PELI2: variants seen among roughly 807,000 people sequenced by gnomAD.
PELI2 encodes the protein E3 ubiquitin-protein ligase pellino homolog 2.
Under a neutral mutation model 42.3 loss-of-function variants are expected in PELI2, and 23 were observed. That is an observed-to-expected ratio of 0.54 (90% CI 0.39 to 0.77). PELI2 has a LOEUF of 0.77. PELI2 is among the 30% of genes least tolerant of loss of function. The pLI, the probability that PELI2 is intolerant of heterozygous loss-of-function variation, is 0.00. For synonymous variants in PELI2, 245 were observed against 212.2 expected (o/e 1.15, Z -1.34); for missense variants, 463 against 553.2 (o/e 0.84, Z 1.64).
At position 56,233,256 on chromosome 14, in the gene PELI2, T is replaced by C. The variant is rs1594666716; in HGVS notation, c.208-46420T>C. On this transcript the variant is annotated intron_variant, in intron 2 of 5. Transcript: ENST00000267460. ...TTCACAGAATTGGAAAAAACTACTTTAAAGTTCACATGGAACCGAAAAAAG... is the reference window on the plus strand; with the variant it reads ...TTCACAGAATTGGAAAAAACTACTTCAAAGTTCACATGGAACCGAAAAAAG... Among the ~76,000 whole-genome samples, 3 of 152,284 alleles carry C rather than the reference T, an allele frequency of 2.0e-5. No homozygotes were observed. The South Asian group carries it at 6.2e-4, about 32-fold the overall frequency.
At chr14:56,225,624 C>T (rs896684573) in intron 2 of PELI2, among the ~76,000 whole-genome samples, 1 of 152,216 alleles carries the variant, frequency 6.6e-6, no homozygotes, top group African/African-American at 2.4e-5. Flanking sequence ...AGGGAAGGGG[C>T]AGGGGCAGCG....
intron 2 of PELI2, among the ~76,000 whole-genome samples, chr14:56,254,390 C>A (rs1404731288): frequency 1.2e-5 from 1 of 86,934 alleles, no homozygotes; most frequent in African/African-American, 4.5e-5. Flanking sequence ...GAGCAAGACT[C>A]CATCTCAAAA....
At chr14:56,125,745 C>T (rs1448984840) in intron 1 of PELI2, among the ~76,000 whole-genome samples, 3 of 152,172 alleles carry the variant, frequency 2.0e-5, no homozygotes, top group African/African-American at 7.2e-5. Context: ...TGCTGCTTGC[C>T]ATGTGCCCAG....
At position 56,118,480 on chromosome 14, in the gene PELI2, C is replaced by G. The variant is rs1882931828; in HGVS notation, c.-181C>G. On this transcript the variant is annotated 5_prime_UTR_variant, in exon 1 of 6. Transcript: ENST00000267460. ...AGCTCCGGGGAGTCAGGCGGAGCAGCCGCGCAGCCACGACGGAGCAGCAGC... is the reference window on the plus strand; with the variant it reads ...AGCTCCGGGGAGTCAGGCGGAGCAGGCGCGCAGCCACGACGGAGCAGCAGC... The G allele has an allele frequency of 2.9e-6, 1 of 348,494 alleles. No individual in the cohort carries two copies. 21.6% of individuals were successfully genotyped at this position (348,494 alleles called of 1,614,324 possible). A position where few individuals can be genotyped will look rare whatever the true frequency, so the allele number is the denominator to read the frequency against.
At chr14:56,245,313 T>G (rs960532785) in intron 2 of PELI2, among the ~76,000 whole-genome samples, 9 of 152,314 alleles carry the variant, frequency 5.9e-5, no homozygotes, top group African/African-American at 2.2e-4. Context: ...AGCTTAGATG[T>G]GGAACCAGAA....
intron 1 of PELI2, among the ~76,000 whole-genome samples, chr14:56,141,807 G>A (rs1317323391): frequency 1.3e-5 from 2 of 152,134 alleles, no homozygotes; most frequent in Non-Finnish European, 2.9e-5. Context: ...GGTTTATTAC[G>A]GTTCAAGGTG....
chr14:56,142,168 A>G (rs923735086), intron 1 of PELI2, among the ~76,000 whole-genome samples: 2 of 152,150 alleles, frequency 1.3e-5, no homozygotes, highest in African/African-American at 2.4e-5. Context: ...GTTAAAACAA[A>G]CTCAAGGTTT....
chr14:56,163,406 T>A (rs950887365), intron 1 of PELI2, among the ~76,000 whole-genome samples: 1 of 152,054 alleles, frequency 6.6e-6, no homozygotes, highest in African/African-American at 2.4e-5. Context: ...TGTTTCAGGG[T>A]TCTCTATTCT....
chr14:56,154,799 G>A (rs1260675499), intron 1 of PELI2, among the ~76,000 whole-genome samples: 1 of 152,198 alleles, frequency 6.6e-6, no homozygotes, highest in East Asian at 1.9e-4. Context: ...CTCAAAGTAC[G>A]TGAATACTTT....
intron 1 of PELI2, among the ~76,000 whole-genome samples, chr14:56,148,501 C>T (rs147063795): frequency 8.8e-4 from 134 of 152,294 alleles, no homozygotes; most frequent in African/African-American, 3.0e-3. Context: ...CTCAGGTGGC[C>T]CATGTGCTCT....
chr14:56,236,341 T>C (rs1887793385), intron 2 of PELI2, among the ~76,000 whole-genome samples: 1 of 152,134 alleles, frequency 6.6e-6, no homozygotes, highest in African/African-American at 2.4e-5. Context: ...ATTCTCAGGT[T>C]TTAATGACAC....
At chr14:56,225,376 C>T (rs982407532) in intron 2 of PELI2, among the ~76,000 whole-genome samples, 50 of 152,162 alleles carry the variant, frequency 3.3e-4, no homozygotes, top group Non-Finnish European at 1.0e-4. Context: ...AGAGGTAAGA[C>T]TACCAGGAGT....
At chr14:56,241,412 T>C (rs1887970468) in intron 2 of PELI2, among the ~76,000 whole-genome samples, 2 of 152,274 alleles carry the variant, frequency 1.3e-5, no homozygotes, top group Admixed American at 6.5e-5. Context: ...CAGAAAGTTA[T>C]AGAGAAGTAA....
chr14:56,198,101 T>C lies in PELI2; in HGVS notation c.207+19637T>C, dbSNP rs114965603. On this transcript the variant is annotated intron_variant, in intron 2 of 5. Coordinates refer to ENST00000267460, the MANE Select transcript of PELI2 (RefSeq NM_021255.3). The stretch of plus-strand genomic sequence containing the variant: ...AAGTACAGAGAAGCGAATATATCTT[T>C]GAGGAAGAAGCAACGGGACTCTCTC... Among the ~76,000 whole-genome samples the C allele has an allele frequency of 2.5e-3, 385 of 152,142 alleles. 1 individual carries two copies. Among genetic ancestry groups the C allele is most frequent in the African/African-American group, 8.9e-3 (368 of 41,486 alleles).
intron 2 of PELI2, among the ~76,000 whole-genome samples, chr14:56,187,979 C>T (rs944101725): frequency 6.6e-6 from 1 of 152,186 alleles, no homozygotes; most frequent in African/African-American, 2.4e-5. Flanking sequence ...TTGTCGTTGC[C>T]CAGGATGATC....
chr14:56,212,476 T>C (rs3825618), intron 2 of PELI2, among the ~76,000 whole-genome samples: 2 of 151,934 alleles, frequency 1.3e-5, no homozygotes, highest in Admixed American at 6.6e-5. Flanking sequence ...TCCCTGGGAT[T>C]GGGGGGAGAG....
chr14:56,255,677 A>G (rs1004703233), intron 2 of PELI2, among the ~76,000 whole-genome samples: 10 of 152,146 alleles, frequency 6.6e-5, no homozygotes, highest in African/African-American at 2.4e-4. Flanking sequence ...ACCACAGCAG[A>G]TTGTATAGGC....
At chr14:56,237,248 C>T (rs931003514) in intron 2 of PELI2, among the ~76,000 whole-genome samples, 10 of 152,148 alleles carry the variant, frequency 6.6e-5, no homozygotes, top group Admixed American at 2.0e-4. Flanking sequence ...CTTAGACAAA[C>T]GCCCAGAAAT....
chr14:56,269,758 G>A (rs1431931066), intron 2 of PELI2, among the ~76,000 whole-genome samples: 11 of 152,286 alleles, frequency 7.2e-5, no homozygotes, highest in African/African-American at 2.4e-4. Context: ...TGCTGGAATT[G>A]AAGGCTGGTT....
Sources: gnomAD v4.1 joint callset for allele counts (sites outside exome capture counted in the v4.1 genomes callset) on GRCh38, gnomAD v4.1.1 for gene constraint, MANE v1.5 for transcripts, NCBI Gene and HGNC (gene_info 2026-07-23, HGNC 2026-07-21) for gene names.